Variants in A2ML1 observed in about 807,000 individuals in gnomAD.
The protein encoded by A2ML1 is alpha-2-macroglobulin like 1, also known as alpha-2-macroglobulin-like protein 1.
A2ML1 carries 161 observed loss-of-function variants against 181.9 expected under a neutral mutation model. The observed-to-expected ratio is 0.89, with a 90% confidence interval of 0.78 to 1.01. A2ML1 has a LOEUF of 1.01. Ranked by LOEUF, A2ML1 falls within the 50% of genes least tolerant of loss-of-function variation. A2ML1 has a pLI of 0.00. For missense variants in A2ML1, 1,670 were observed against 1,768.1 expected (o/e 0.94, Z 1.00); for synonymous variants, 663 against 666.8 (o/e 0.99, Z 0.09).
chr12:8,854,015 T>C, intron 20 of A2ML1, 113 bp from the exon 21 acceptor site: 2 of 1,342,404 alleles, frequency 1.5e-6, no homozygotes, highest in East Asian at 2.6e-5. Flanking sequence ...CAGCAGAGTT[T>C]GCACTGTTGC....
chr12:8,863,134 T>C (rs1382481711), intron 28 of A2ML1, among the ~76,000 whole-genome samples: 6 of 151,306 alleles, frequency 4.0e-5, no homozygotes, highest in African/African-American at 1.5e-4. Flanking sequence ...TGGGTTTCGC[T>C]CTTGTTTTGT....
chr12:8,848,134 C>CAA (rs755571563), intron 15 of A2ML1, among the ~76,000 whole-genome samples: 11 of 93,446 alleles, frequency 1.2e-4, no homozygotes, highest in Admixed American at 2.2e-4. Flanking sequence ...GTCTCAAAAA[C>CAA]AAAAAAAAAA....
At chr12:8,829,685 C>A in intron 3 of A2ML1, 42 bp from the exon 4 acceptor site, 3 of 1,558,760 alleles carry the variant, frequency 1.9e-6, no homozygotes, top group South Asian at 1.2e-5. Context: ...AATTCTGAGC[C>A]AGGAAACATC....
chr12:8,846,339 T>A, intron 14 of A2ML1, 117 bp downstream of exon 14: 2 of 1,153,104 alleles, frequency 1.7e-6, no homozygotes, highest in Non-Finnish European at 2.5e-6. Context: ...ACGTTGGATG[T>A]TGTATTATAT....
intron 7 of A2ML1, among the ~76,000 whole-genome samples, chr12:8,884,010 T>G (rs1944894677): frequency 6.6e-6 from 1 of 152,038 alleles, no homozygotes; most frequent in African/African-American, 2.4e-5. Flanking sequence ...GGTCTTGAAC[T>G]CCTGGCCTCA....
chr12:8,834,632 T>C, intron 4 of A2ML1, 30 bp from the exon 5 acceptor site: 1 of 1,613,420 alleles, frequency 6.2e-7, no homozygotes, highest in Non-Finnish European at 8.5e-7. Context: ...CAACCTTCTT[T>C]AACCCGCATT....
rs938868143 is a variant in A2ML1, at chr12:8,854,933, C to G, written c.2764+102C>G. 16 of 1,314,832 alleles carry G rather than the reference C, an allele frequency of 1.2e-5. No individual in the cohort carries two copies. In the East Asian group the frequency reaches 3.6e-4, roughly 30 times the overall value. 81.4% of individuals were successfully genotyped at this position (1,314,832 alleles called of 1,614,324 possible). A position where few individuals can be genotyped will look rare whatever the true frequency, so the allele number is the denominator to read the frequency against. ...TTTTTGAGACGGAGTCTCGCTCCGT[C>G]GTCCAGGCTGGATTGCAGTGGCACG... is the stretch of plus-strand genomic sequence containing the variant. On this transcript the variant is annotated intron_variant, in intron 22 of 35. Coordinates refer to ENST00000299698, the MANE Select transcript of A2ML1 (RefSeq NM_144670.6).
chr12:8,871,953 G>A (rs945508508), intron 33 of A2ML1, among the ~76,000 whole-genome samples: 1 of 152,058 alleles, frequency 6.6e-6, no homozygotes, highest in Non-Finnish European at 1.5e-5. Context: ...GCTGAGACGG[G>A]CAGATCATGA....
At chr12:8,862,421 C>T (rs1592148748) in intron 28 of A2ML1, among the ~76,000 whole-genome samples, 1 of 152,102 alleles carries the variant, frequency 6.6e-6, no homozygotes, top group East Asian at 1.9e-4. Context: ...AGGCTGGTCT[C>T]AGAATCCTGA....
At chr12:8,863,000 C>A (rs1253416709) in intron 28 of A2ML1, among the ~76,000 whole-genome samples, 1 of 152,130 alleles carries the variant, frequency 6.6e-6, no homozygotes, top group Non-Finnish European at 1.5e-5. Context: ...ATTGGACTGC[C>A]TTCTAAGCAT....
At chr12:8,861,019 C>G in intron 27 of A2ML1, 64 bp downstream of exon 27, 2 of 1,604,292 alleles carry the variant, frequency 1.2e-6, no homozygotes, top group African/African-American at 1.3e-5. Context: ...GAGACATTCA[C>G]CCATCTTTGT....
intron 26 of A2ML1, chr12:8,858,421 A>G: frequency 4.8e-6 from 1 of 208,410 alleles, no homozygotes; most frequent in East Asian, 1.1e-4. Flanking sequence ...CATCTCTACA[A>G]AAAAAATATG....
intron 3 of A2ML1, among the ~76,000 whole-genome samples, chr12:8,826,699 G>A (rs892073270): frequency 1.3e-5 from 2 of 152,000 alleles, no homozygotes; most frequent in Admixed American, 1.3e-4. Flanking sequence ...GCTCATTGCA[G>A]CCTCTGCCTC....
chr12:8,841,017 A>AGGAAGGAC (rs1943458943), intron 10 of A2ML1, among the ~76,000 whole-genome samples: 3 of 14,070 alleles, frequency 2.1e-4, no homozygotes, highest in Non-Finnish European at 3.1e-4. Context: ...GAAGGACGGA[A>AGGAAGGAC]GGAAGGAAGG....
chr12:8,835,763 C>A, intron 6 of A2ML1, 97 bp downstream of exon 6: 1 of 1,519,834 alleles, frequency 6.6e-7, no homozygotes, highest in East Asian at 2.3e-5. Context: ...CCTGTAATCC[C>A]AGGACTTTGG....
At chr12:8,877,370 G>A (rs1944823143), downstream of A2ML1, among the ~76,000 whole-genome samples, 1 of 152,122 alleles carries the variant, frequency 6.6e-6, no homozygotes, top group Non-Finnish European at 1.5e-5. Flanking sequence ...CTTCTGCACA[G>A]CAAAAGAAAC....
rs749925313 is a variant in A2ML1 at position 8,852,180 on chromosome 12, T to C, written c.2464-30T>C. ...CTCTATGCACTACCTCCTTTGTTTG[T>C]ACCCTTTGTCTCTTAAACATCCTCC... On this transcript the variant is annotated intron_variant, in intron 19 of 35. Transcript: ENST00000299698. The surrounding 1 kb of genome is among the most constrained non-coding windows in gnomAD (Gnocchi z 4.2). The C allele has an allele frequency of 5.0e-6, 8 of 1,613,414 alleles. No homozygotes were observed. Among genetic ancestry groups the C allele is most frequent in the Non-Finnish European group, 5.1e-6 (6 of 1,179,914 alleles).
chr12:8,855,570 C>T lies in A2ML1; in HGVS notation c.2826C>T (p.Thr942=), dbSNP rs1944035944. The T allele has an allele frequency of 6.2e-7, 1 of 1,613,952 alleles. No individual in the cohort carries two copies. Among genetic ancestry groups the T allele is most frequent in the African/African-American group, 1.3e-5 (1 of 74,894 alleles). Residue 942 remains threonine (T), a synonymous_variant, in exon 23 of 36, where the codon ACC becomes ACT. Transcript: ENST00000299698. ...CAGTGGACATTGTTCCTGACTCGAC[C>T]AAGGCTTATGTTACGGTTCTGGGTA... The part of the protein sequence containing the change: ...ELPVDIVPDS[T]KAYVTVLGDI...
rs144572218 is a variant in A2ML1 at position 8,882,342 on chromosome 12, G to A, written c.*94+1726G>A. On this transcript the variant is annotated intron_variant and NMD_transcript_variant, in intron 7 of 7. Coordinates refer to the A2ML1 transcript ENST00000537475. ...TCTCCTACCTCCCCCTTGAATCCCC[G>A]CCTTCATCAAGGATTTGGTAGGAAG... Among the ~76,000 whole-genome samples the A allele has an allele frequency of 4.7e-3, 716 of 152,156 alleles. 4 individuals carry two copies. Among genetic ancestry groups the A allele is most frequent in the Non-Finnish European group, 7.6e-3 (517 of 67,978 alleles).
Sources: gnomAD v4.1 joint callset for allele counts (sites outside exome capture counted in the v4.1 genomes callset) on GRCh38, gnomAD v4.1.1 for gene constraint, Gnocchi (gnomAD v3.1) non-coding constraint, MANE v1.5 for transcripts, NCBI Gene and HGNC (gene_info 2026-07-23, HGNC 2026-07-21) for gene names.